The following PACRG variants were observed in gnomAD, a reference collection of about 807,000 sequenced individuals.
PACRG encodes the protein parkin coregulated gene protein.
A neutral mutation model predicts 29.7 loss-of-function variants in PACRG; 29 were observed. The observed-to-expected ratio is 0.98, with a 90% confidence interval of 0.73 to 1.33. The LOEUF (loss-of-function observed/expected upper bound fraction) is 1.33. Ranked by LOEUF, PACRG falls within the 40% of genes most tolerant of loss-of-function variation. The probability of loss-of-function intolerance (pLI) is 0.00; values close to 1 mark genes in which losing one functional copy is unlikely to be tolerated. For missense variants in PACRG, 279 were observed against 316.2 expected, an observed-to-expected ratio of 0.88 and a Z score of 0.89; for synonymous variants, 116 against 118.7, an observed-to-expected ratio of 0.98 and a Z score of 0.15.
chr6:162,787,596 A>C (rs1286498928), intron 1 of PACRG, among the ~76,000 whole-genome samples: 8 of 135,538 alleles, frequency 5.9e-5, no homozygotes, highest in African/African-American at 8.3e-5. Context: ...ATATATATAT[A>C]TATATATATA....
intron 4 of PACRG, among the ~76,000 whole-genome samples, chr6:163,107,152 G>A (rs1041589630): frequency 6.6e-6 from 1 of 151,990 alleles, no homozygotes; most frequent in Non-Finnish European, 1.5e-5. Context: ...AAAGCACAAG[G>A]GCATTTTAGT....
At chr6:163,089,142 G>A in intron 3 of PACRG, 117 bp from the exon 4 acceptor site, 6 of 1,017,036 alleles carry the variant, frequency 5.9e-6, no homozygotes, top group Non-Finnish European at 7.1e-6. Flanking sequence ...AGGCCCATTG[G>A]TCCCCAGTAG....
At position 163,218,591 on chromosome 6, in the gene PACRG, T is replaced by G. The variant is rs141653829; in HGVS notation, c.614-96236T>G. On this transcript the variant is annotated intron_variant, in intron 4 of 4. Coordinates refer to ENST00000366888, the MANE Select transcript of PACRG (RefSeq NM_001080379.2). ...ATGTCAGGGCCCCTGGCAGCCTTGG[T>G]GTTGCCAAACCCAAGGTCCTGTTCT... Among the ~76,000 whole-genome samples the G allele has an allele frequency of 9.3e-4, 141 of 152,298 alleles. 1 individual carries two copies. The highest frequency in any genetic ancestry group is 8.5e-3 in the East Asian group (44 of 5,176).
chr6:162,919,936 A>T (rs1465631412), intron 2 of PACRG, among the ~76,000 whole-genome samples: 2 of 152,194 alleles, frequency 1.3e-5, no homozygotes, highest in African/African-American at 4.8e-5. Flanking sequence ...GTGAATATCT[A>T]GATCTTCTAA....
At position 163,062,333 on chromosome 6, in the gene PACRG, G is replaced by A. The variant is rs778914061; in HGVS notation, c.463+12G>A. On this transcript the variant is annotated intron_variant, in intron 3 of 4. Transcript: ENST00000366888. Reference sequence around the variant, plus strand: ...TATCCCGATAAAAAGTAAGTGAACCGGTGAAAAAGCATCACTCAGTTTATA... The same window carrying A: ...TATCCCGATAAAAAGTAAGTGAACCAGTGAAAAAGCATCACTCAGTTTATA... 16 of 1,603,240 alleles carry A rather than the reference G, an allele frequency of 1.0e-5. No homozygotes were observed. The highest frequency in any genetic ancestry group is 1.7e-4 in the Middle Eastern group (1 of 6,026).
rs182396689 is a variant in PACRG at position 163,315,369 on chromosome 6, G to A, written c.*382G>A. On this transcript the variant is annotated 3_prime_UTR_variant, in exon 5 of 5. Coordinates refer to ENST00000366888, the MANE Select transcript of PACRG (RefSeq NM_001080379.2). Reference sequence around the variant, plus strand: ...TGGGGGTGATGTCAGAGGTTGTAAGGGAAGAGTTTATGCTGACTGCTTACT... The same window carrying A: ...TGGGGGTGATGTCAGAGGTTGTAAGAGAAGAGTTTATGCTGACTGCTTACT... 30 of 163,778 alleles carry A rather than the reference G, an allele frequency of 1.8e-4. No individual in the cohort carries two copies. The East Asian group carries it at 4.7e-3, about 25-fold the overall frequency. The allele number at this position is 163,778 out of a possible 1,614,324, so 10.1% of individuals were successfully genotyped here.
chr6:163,000,304 AC>A (rs888734490), intron 2 of PACRG, among the ~76,000 whole-genome samples: 12 of 152,150 alleles, frequency 7.9e-5, no homozygotes, highest in African/African-American at 1.9e-4. Flanking sequence ...AGGGTCAAAA[AC>A]TTCTTGCTGC....
intron 2 of PACRG, among the ~76,000 whole-genome samples, chr6:162,912,821 C>T (rs1026213215): frequency 1.5e-4 from 22 of 151,628 alleles, no homozygotes; most frequent in Admixed American, 1.1e-3. Flanking sequence ...CTGCCTGCCT[C>T]GGCTTCCCAA....
At chr6:162,958,470 A>G (rs1266270783) in intron 2 of PACRG, among the ~76,000 whole-genome samples, 2 of 152,166 alleles carry the variant, frequency 1.3e-5, no homozygotes, top group Non-Finnish European at 2.9e-5. Flanking sequence ...TTCTAAATCA[A>G]TCATATTTGG....
chr6:162,975,461 G>C (rs940812365), intron 2 of PACRG, among the ~76,000 whole-genome samples: 1 of 152,134 alleles, frequency 6.6e-6, no homozygotes, highest in African/African-American at 2.4e-5. Flanking sequence ...CCTTGTACAG[G>C]ATATCTGCTC....
chr6:162,904,210 G>A (rs1245760405), intron 2 of PACRG, among the ~76,000 whole-genome samples: 1 of 152,218 alleles, frequency 6.6e-6, no homozygotes, highest in Non-Finnish European at 1.5e-5. Flanking sequence ...CTGATTTTAA[G>A]TGTTAATGAC....
At chr6:163,248,494 T>C (rs1348663408) in intron 4 of PACRG, among the ~76,000 whole-genome samples, 1 of 150,538 alleles carries the variant, frequency 6.6e-6, no homozygotes, top group African/African-American at 2.4e-5. Flanking sequence ...TTTTCCCCAA[T>C]AGAAATATTT....
At chr6:162,732,857 A>G (rs1779880881) in intron 1 of PACRG, among the ~76,000 whole-genome samples, 1 of 152,208 alleles carries the variant, frequency 6.6e-6, no homozygotes, top group Non-Finnish European at 1.5e-5. Context: ...AAAAAAAGTC[A>G]AGATACTTCC....
Position 162,738,984 on chromosome 6 carries a change from G to T in PACRG, c.156+10593G>T, listed in dbSNP as rs558522999. On this transcript the variant is annotated intron_variant, in intron 1 of 4. Transcript: ENST00000366888. ...CATTGCAGTATCATAACATCCTATT[G>T]TAGGATTCCTTGTGCATGAAGGCCA... is the stretch of plus-strand genomic sequence containing the variant. Among the ~76,000 whole-genome samples the T allele has an allele frequency of 4.0e-3, 612 of 152,194 alleles. 2 individuals are homozygous for T. The highest frequency in any genetic ancestry group is 0.014 in the African/African-American group (585 of 41,518).
At chr6:162,832,344 A>G (rs1172403390) in intron 2 of PACRG, among the ~76,000 whole-genome samples, 2 of 152,046 alleles carry the variant, frequency 1.3e-5, no homozygotes, top group African/African-American at 4.8e-5. Context: ...TCTTTTGCCC[A>G]CTTCTTAATG....
chr6:163,018,953 T>G (rs907147329), intron 2 of PACRG, among the ~76,000 whole-genome samples: 2 of 152,212 alleles, frequency 1.3e-5, no homozygotes, highest in Non-Finnish European at 2.9e-5. Flanking sequence ...TAAACTGTTG[T>G]CTGTTATGAT....
chr6:163,153,500 G>T (rs1479376295), intron 4 of PACRG, among the ~76,000 whole-genome samples: 4 of 152,166 alleles, frequency 2.6e-5, no homozygotes, highest in African/African-American at 9.7e-5. Context: ...TACAAAAAAT[G>T]GTGAATTTTG....
chr6:163,197,449 T>TTC (rs1562959310), intron 4 of PACRG, among the ~76,000 whole-genome samples: 1 of 138,792 alleles, frequency 7.2e-6, no homozygotes, highest in African/African-American at 2.9e-5. Context: ...TTTTTTTTTT[T>TTC]TTTTTTTTTT....
At chr6:162,821,160 T>A (rs1787810313) in intron 2 of PACRG, among the ~76,000 whole-genome samples, 1 of 152,236 alleles carries the variant, frequency 6.6e-6, no homozygotes. Context: ...TGCTCCCTGC[T>A]GCCTATATAA....
Sources: allele counts gnomAD v4.1 joint callset (sites outside exome capture counted in the v4.1 genomes callset), GRCh38; gene constraint gnomAD v4.1.1; transcripts MANE v1.5; gene names NCBI Gene and HGNC (gene_info 2026-07-23, HGNC 2026-07-21).